The following TRAPPC9 variants were observed in gnomAD, a reference collection of about 807,000 sequenced individuals.
The protein encoded by TRAPPC9 is trafficking protein particle complex subunit 9, also known as IKK2 binding protein.
A neutral mutation model predicts 124.0 loss-of-function variants in TRAPPC9; 83 were observed. That is an observed-to-expected ratio of 0.67 (90% CI 0.56 to 0.80). TRAPPC9 has a LOEUF of 0.80. TRAPPC9 is among the 30% of genes least tolerant of loss of function. TRAPPC9 has a pLI of 0.00. For synonymous variants in TRAPPC9, 638 were observed against 617.5 expected, an observed-to-expected ratio of 1.03 and a Z score of -0.49; for missense variants, 1,302 against 1,508.3, an observed-to-expected ratio of 0.86 and a Z score of 2.27.
At position 140,221,498 on chromosome 8, in the gene TRAPPC9, T is replaced by G. The variant is rs761821896; in HGVS notation, c.2517A>C (p.Pro839=). 6 of 1,614,080 alleles carry G rather than the reference T, an allele frequency of 3.7e-6. No homozygotes were observed. In the South Asian group the frequency reaches 4.4e-5, roughly 12 times the overall value. ...RPRVEGKPVN[P]PESNKAGDYS... ...AGTCGCCTGCTTTGTTGCTCTCGGGTGGGTTCACAGGTTTGCCCTCCACTC... is the reference window on the plus strand; with the variant it reads ...AGTCGCCTGCTTTGTTGCTCTCGGGGGGGTTCACAGGTTTGCCCTCCACTC... Residue 839 remains proline (P), a synonymous_variant, in exon 17 of 23, where the codon CCA becomes CCC. Transcript: ENST00000438773.
intron 17 of TRAPPC9, among the ~76,000 whole-genome samples, chr8:140,195,363 C>T (rs2062622428): frequency 6.6e-6 from 1 of 152,082 alleles, no homozygotes; most frequent in Non-Finnish European, 1.5e-5. Context: ...ATCCACTGTA[C>T]AGATCACACC....
intron 19 of TRAPPC9, among the ~76,000 whole-genome samples, chr8:139,981,623 G>A (rs535713516): frequency 3.4e-4 from 52 of 152,382 alleles, no homozygotes; most frequent in South Asian, 2.1e-3. Context: ...AGAGACAGGC[G>A]AGAGGAGTAG....
chr8:139,795,671 A>G (rs1823003863), intron 21 of TRAPPC9, among the ~76,000 whole-genome samples: 1 of 152,132 alleles, frequency 6.6e-6, no homozygotes, highest in Admixed American at 6.5e-5. Flanking sequence ...CTGAAAGATA[A>G]TCCGCAAACT....
chr8:140,175,518 T>C (rs566782137), intron 17 of TRAPPC9, among the ~76,000 whole-genome samples: 1 of 152,230 alleles, frequency 6.6e-6, no homozygotes, highest in Admixed American at 6.5e-5. Flanking sequence ...GCCAAAGAGA[T>C]TAGAAAATGT....
intron 18 of TRAPPC9, among the ~76,000 whole-genome samples, chr8:140,004,654 C>T (rs771789606): frequency 1.3e-5 from 2 of 152,168 alleles, no homozygotes; most frequent in Non-Finnish European, 2.9e-5. Context: ...AGCTTGGTTG[C>T]TGTCAGTGGA....
intron 21 of TRAPPC9, among the ~76,000 whole-genome samples, chr8:139,883,193 G>A (rs758130495): frequency 2.3e-4 from 35 of 152,172 alleles, no homozygotes; most frequent in Non-Finnish European, 3.4e-4. Context: ...ACATGAGTAC[G>A]CTCAGCTCCC....
At position 140,074,191 on chromosome 8, in the gene TRAPPC9, G is replaced by A. The variant is rs115779730; in HGVS notation, c.2557-50112C>T. On this transcript the variant is annotated intron_variant, in intron 17 of 22. Coordinates refer to ENST00000438773, the MANE Select transcript of TRAPPC9 (RefSeq NM_001160372.4). The stretch of plus-strand genomic sequence containing the variant: ...AAGCAGACCTCACAGAGGTCCAGAG[G>A]ACAGGAGGCAGTCAGGGTTGCTTTC... 7.5e-3 allele frequency among the ~76,000 whole-genome samples: 1,144 copies of A among 152,238 alleles called. 17 individuals are homozygous for A. Among genetic ancestry groups the A allele is most frequent in the African/African-American group, 0.026 (1,087 of 41,542 alleles).
chr8:140,318,737 T>C (rs1246266617), intron 9 of TRAPPC9, among the ~76,000 whole-genome samples: 1 of 152,238 alleles, frequency 6.6e-6, no homozygotes, highest in Non-Finnish European at 1.5e-5. Flanking sequence ...TAGTATTCCA[T>C]TGTGTGTACA....
chr8:139,809,323 G>A (rs1222694558), intron 21 of TRAPPC9, among the ~76,000 whole-genome samples: 1 of 152,226 alleles, frequency 6.6e-6, no homozygotes, highest in Non-Finnish European at 1.5e-5. Flanking sequence ...CACGGGGAAT[G>A]GGAGTGAAGC....
chr8:140,122,731 A>G (rs2061011198), intron 17 of TRAPPC9, among the ~76,000 whole-genome samples: 2 of 152,210 alleles, frequency 1.3e-5, no homozygotes, highest in South Asian at 4.1e-4. Context: ...AAGCTGCCTC[A>G]GGTGTCTGAG....
intron 2 of TRAPPC9, among the ~76,000 whole-genome samples, chr8:140,447,730 T>G (rs1369678676): frequency 6.6e-6 from 1 of 152,132 alleles, no homozygotes; most frequent in Non-Finnish European, 1.5e-5. Context: ...TGGCCTTACA[T>G]CTGGACATTT....
intron 4 of TRAPPC9, among the ~76,000 whole-genome samples, chr8:140,431,170 C>T (rs1226054466): frequency 6.6e-6 from 1 of 151,862 alleles, no homozygotes; most frequent in Non-Finnish European, 1.5e-5. Context: ...ACTACTGACC[C>T]TCCTCGCCGG....
chr8:140,340,451 C>T (rs1346559233), intron 9 of TRAPPC9, among the ~76,000 whole-genome samples: 11 of 152,300 alleles, frequency 7.2e-5, no homozygotes, highest in East Asian at 1.9e-4. Context: ...CAGCCTCACC[C>T]GGGAAACTGC....
intron 9 of TRAPPC9, among the ~76,000 whole-genome samples, chr8:140,317,449 G>C (rs1009918068): frequency 1.3e-5 from 2 of 152,152 alleles, no homozygotes; most frequent in African/African-American, 4.8e-5. Context: ...CCCAGGCCTA[G>C]AATTAAATCA....
chr8:140,199,032 G>C (rs756912528), intron 17 of TRAPPC9, among the ~76,000 whole-genome samples: 1 of 152,164 alleles, frequency 6.6e-6, no homozygotes, highest in South Asian at 2.1e-4. Context: ...CGGGACTCCT[G>C]GGGGGAGCAA....
At chr8:139,754,538 G>A (rs1440840714) in intron 21 of TRAPPC9, among the ~76,000 whole-genome samples, 2 of 152,062 alleles carry the variant, frequency 1.3e-5, no homozygotes, top group Non-Finnish European at 2.9e-5. Flanking sequence ...TACATGCGGT[G>A]ACTGATCCAC....
At chr8:140,285,249 G>A (rs1223870933) in intron 13 of TRAPPC9, among the ~76,000 whole-genome samples, 1 of 152,148 alleles carries the variant, frequency 6.6e-6, no homozygotes, top group Non-Finnish European at 1.5e-5. Flanking sequence ...CACTAGTTAC[G>A]GTTATGTGCT....
intron 9 of TRAPPC9, among the ~76,000 whole-genome samples, chr8:140,321,097 AGAG>A (rs1359678127): frequency 6.6e-6 from 1 of 152,252 alleles, no homozygotes; most frequent in Non-Finnish European, 1.5e-5. Flanking sequence ...AAGCTCGCTG[AGAG>A]GAGCACAGTT....
intron 9 of TRAPPC9, among the ~76,000 whole-genome samples, chr8:140,323,655 G>A (rs1038929867): frequency 6.6e-6 from 1 of 152,136 alleles, no homozygotes; most frequent in Non-Finnish European, 1.5e-5. Flanking sequence ...TGTGTTGGTT[G>A]TCATGTTGAG....
Sources: allele counts gnomAD v4.1 joint callset (sites outside exome capture counted in the v4.1 genomes callset), GRCh38; gene constraint gnomAD v4.1.1; transcripts MANE v1.5; gene names NCBI Gene and HGNC (gene_info 2026-07-23, HGNC 2026-07-21).